Variants in CAMSAP2 observed in about 807,000 individuals in gnomAD.
CAMSAP2 encodes the protein calmodulin-regulated spectrin-associated protein 2.
Under a neutral mutation model 146.1 loss-of-function variants are expected in CAMSAP2, and 26 were observed. The ratio of observed to expected loss-of-function variants is 0.18; its 90% confidence interval spans 0.13 to 0.25. The LOEUF is 0.25. CAMSAP2 is among the 10% of genes least tolerant of loss of function. The probability of loss-of-function intolerance (pLI) is 1.00; values close to 1 mark genes in which losing one functional copy is unlikely to be tolerated. For synonymous variants in CAMSAP2, 499 were observed against 596.6 expected (o/e 0.84, Z 2.38); for missense variants, 1,381 against 1,759.3 (o/e 0.78, Z 3.85).
intron 2 of CAMSAP2, among the ~76,000 whole-genome samples, chr1:200,765,239 A>AT (rs1664914620): frequency 6.6e-6 from 1 of 152,056 alleles, no homozygotes; most frequent in East Asian, 1.9e-4. Flanking sequence ...TTATTTATTT[A>AT]TTTTTTCGAG....
At chr1:200,820,434 A>G (rs1380387882) in intron 4 of CAMSAP2, among the ~76,000 whole-genome samples, 1 of 152,202 alleles carries the variant, frequency 6.6e-6, no homozygotes, top group African/African-American at 2.4e-5. Flanking sequence ...TTTGTGAGGT[A>G]TTTTGCAAGG....
At chr1:200,824,933 C>T (rs748393877) in intron 4 of CAMSAP2, among the ~76,000 whole-genome samples, 1 of 152,018 alleles carries the variant, frequency 6.6e-6, no homozygotes, top group Non-Finnish European at 1.5e-5. Context: ...GAGCCGAGAT[C>T]GTGCCAGTGT....
chr1:200,769,666 T>G (rs1193226870), intron 2 of CAMSAP2, among the ~76,000 whole-genome samples: 1 of 152,224 alleles, frequency 6.6e-6, no homozygotes. Flanking sequence ...ACTGGTTTAT[T>G]ATAAGGGATA....
chr1:200,808,774 C>A (rs189498011), intron 3 of CAMSAP2, among the ~76,000 whole-genome samples: 241 of 152,272 alleles, frequency 1.6e-3, no homozygotes, highest in African/African-American at 5.8e-3. Context: ...AAATGTTGAA[C>A]CTCATTATGA....
chr1:200,740,454 G>A (rs1052554820), intron 1 of CAMSAP2, among the ~76,000 whole-genome samples: 11 of 152,170 alleles, frequency 7.2e-5, no homozygotes, highest in Non-Finnish European at 1.5e-5. Context: ...CCTGTGTCGA[G>A]TGCAGTATTA....
intron 6 of CAMSAP2, among the ~76,000 whole-genome samples, chr1:200,834,951 T>C (rs1384798903): frequency 6.6e-6 from 1 of 152,214 alleles, no homozygotes; most frequent in Non-Finnish European, 1.5e-5. Flanking sequence ...TCTCTTTTAA[T>C]TTTTAAAGGT....
At chr1:200,764,155 A>C (rs1382354337) in intron 2 of CAMSAP2, among the ~76,000 whole-genome samples, 1 of 152,148 alleles carries the variant, frequency 6.6e-6, no homozygotes, top group Non-Finnish European at 1.5e-5. Context: ...GCTTTTTGGG[A>C]AGTATCATGA....
rs1470720995 is a variant in CAMSAP2 at position 200,853,449 on chromosome 1, C to T, written c.3777C>T (p.His1259=). 1 of 1,613,750 alleles carries T rather than the reference C, an allele frequency of 6.2e-7. No individual in the cohort carries two copies. Among genetic ancestry groups the T allele is most frequent in the Middle Eastern group, 1.7e-4 (1 of 6,052 alleles). The change falls in exon 13 of 17, where the codon CAC becomes CAT. Residue 1259 remains histidine, a synonymous_variant. Transcript: ENST00000358823. The surrounding 1 kb of genome is among the most constrained non-coding windows in gnomAD (Gnocchi z 5.1). ...AAAAACAGCGACCAAAATCTATTCA[C>T]AGAGATCATATTGAATCCCCCAAAA... The part of the protein sequence containing the change: ...KQKKQRPKSI[H]RDHIESPKTP...
intron 9 of CAMSAP2, 50 bp from the exon 10 acceptor site, chr1:200,847,590 G>A: frequency 1.4e-6 from 2 of 1,448,374 alleles, no homozygotes; most frequent in Middle Eastern, 3.5e-4. Flanking sequence ...GTTGCTATAA[G>A]TTAATTTTTT....
rs770005721 is a variant in CAMSAP2 at position 200,853,030 on chromosome 1, C to CACA, written c.3603-245_3603-244insACA. ...ACACACACACACACACACACACACA[C>CACA]GACCTAAATTATCTCAAATACCTTT... On this transcript the variant is annotated intron_variant, in intron 12 of 16. Coordinates refer to ENST00000358823, the MANE Select transcript of CAMSAP2 (RefSeq NM_203459.4). The surrounding 1 kb of genome is among the most constrained non-coding windows in gnomAD (Gnocchi z 5.1). 1.4e-5 allele frequency among the ~76,000 whole-genome samples: 2 copies of CACA among 147,498 alleles called. No homozygotes were observed.
In CAMSAP2 at chr1:200,848,651, T is replaced by C; in HGVS notation, c.1882T>C (p.Ser628Pro). 1.2e-6 allele frequency: 2 copies of C among 1,614,180 alleles called. No homozygotes were observed. Among genetic ancestry groups the C allele is most frequent in the Non-Finnish European group, 1.7e-6 (2 of 1,180,002 alleles). ...DIPETMDEDS[S>P]LRDYTVSLDS... Reference sequence around the variant, plus strand: ...TCCTGAAACTATGGACGAAGATTCTTCGTTGAGAGATTATACTGTAAGCTT... The same window carrying C: ...TCCTGAAACTATGGACGAAGATTCTCCGTTGAGAGATTATACTGTAAGCTT... The change falls in exon 11 of 17, where the codon TCG (serine) becomes CCG (proline). Residue 628 changes from serine (S) to proline (P), a missense_variant. Physicochemically the swap from Ser to Pro is moderately conservative, Grantham distance 74. This residue lies in a region of CAMSAP2 where 447 missense variants were observed against 462.2 expected (regional missense o/e 0.97). Coordinates refer to ENST00000358823, the MANE Select transcript of CAMSAP2 (RefSeq NM_203459.4).
In CAMSAP2 at chr1:200,857,531, A is replaced by C; in HGVS notation, c.4131+107A>C. On this transcript the variant is annotated intron_variant, in intron 16 of 16. Coordinates refer to ENST00000358823, the MANE Select transcript of CAMSAP2 (RefSeq NM_203459.4). The surrounding 1 kb of genome is among the most constrained non-coding windows in gnomAD (Gnocchi z 4.7). ...TAGACTTTCAACAGCATGTAAAAAG[A>C]TCTGTAGCTAGATGTTTTAATTATC... 1 of 838,618 alleles carries C rather than the reference A, an allele frequency of 1.2e-6. No individual in the cohort carries two copies. Among genetic ancestry groups the C allele is most frequent in the South Asian group, 1.6e-5 (1 of 61,114 alleles). 51.9% of individuals were successfully genotyped at this position (838,618 alleles called of 1,614,324 possible). A position where few individuals can be genotyped will look rare whatever the true frequency, so the allele number is the denominator to read the frequency against.
chr1:200,816,454 C>T (rs1275007895), intron 4 of CAMSAP2, among the ~76,000 whole-genome samples: 1 of 147,966 alleles, frequency 6.8e-6, no homozygotes, highest in Non-Finnish European at 1.5e-5. Flanking sequence ...ATTAGCCAGG[C>T]GTGGTGGCCG....
intron 2 of CAMSAP2, among the ~76,000 whole-genome samples, chr1:200,786,327 T>C (rs1665587854): frequency 1.3e-5 from 2 of 152,124 alleles, no homozygotes; most frequent in South Asian, 4.1e-4. Context: ...CTTAGGTCAT[T>C]AATTTTAAAG....
In CAMSAP2 at chr1:200,853,556, T is replaced by C; in HGVS notation, c.3823+61T>C. ...AAACACCAGCTTGATTGGTTTGTCA[T>C]ACTAACTTGGTTGTACTTTGATGTG... On this transcript the variant is annotated intron_variant, in intron 13 of 16. Coordinates refer to ENST00000358823, the MANE Select transcript of CAMSAP2 (RefSeq NM_203459.4). This position sits in a 1 kb window ranked among gnomAD's most constrained non-coding sequence, Gnocchi z 5.1. 1 of 1,336,898 alleles carries C rather than the reference T, an allele frequency of 7.5e-7. No homozygotes were observed. The highest frequency in any genetic ancestry group is 1.5e-5 in the African/African-American group (1 of 67,968). The allele number at this position is 1,336,898 out of a possible 1,614,324, so 82.8% of individuals were successfully genotyped here. A position where few individuals can be genotyped will look rare whatever the true frequency, so the allele number is the denominator to read the frequency against.
Position 200,817,211 on chromosome 1 carries a change from T to C in CAMSAP2, c.645+1567T>C, listed in dbSNP as rs76162572. ...ACACATGTGTGTGTGTATACACACA[T>C]ACACACATATGTGTGTGTATATACA... On this transcript the variant is annotated intron_variant, in intron 4 of 16. Coordinates refer to ENST00000358823, the MANE Select transcript of CAMSAP2 (RefSeq NM_203459.4). Among the ~76,000 whole-genome samples the C allele has an allele frequency of 9.2e-3, 514 of 56,068 alleles. 3 individuals carry two copies. The highest frequency in any genetic ancestry group is 0.014 in the South Asian group (22 of 1,604). The allele number at this position is 56,068 out of a possible 152,430, so 36.8% of individuals were successfully genotyped here. A position where few individuals can be genotyped will look rare whatever the true frequency, so the allele number is the denominator to read the frequency against.
chr1:200,844,719 G>T, intron 7 of CAMSAP2, 63 bp from the exon 8 acceptor site: 1 of 885,862 alleles, frequency 1.1e-6, no homozygotes, highest in Non-Finnish European at 1.7e-6. Flanking sequence ...ATTTGCTTAT[G>T]GTCCAGAATT....
At chr1:200,764,045 C>T (rs1186690824) in intron 2 of CAMSAP2, among the ~76,000 whole-genome samples, 1 of 151,720 alleles carries the variant, frequency 6.6e-6, no homozygotes, top group Non-Finnish European at 1.5e-5. Flanking sequence ...CACTCCAGCC[C>T]AGGTGACAAG....
intron 1 of CAMSAP2, among the ~76,000 whole-genome samples, chr1:200,754,525 C>A (rs1664592389): frequency 1.3e-5 from 2 of 148,732 alleles, no homozygotes; most frequent in African/African-American, 5.0e-5. Context: ...GATTACTATC[C>A]TTTTTTTCCA....
Sources: gnomAD v4.1 joint callset for allele counts (sites outside exome capture counted in the v4.1 genomes callset) on GRCh38, gnomAD v4.1.1 for gene constraint, gnomAD v4.1.1 regional missense constraint, Gnocchi (gnomAD v3.1) non-coding constraint, MANE v1.5 for transcripts, NCBI Gene and HGNC (gene_info 2026-07-23, HGNC 2026-07-21) for gene names.